The following BABAM2 variants were observed in gnomAD, a reference collection of about 807,000 sequenced individuals.
BABAM2 encodes BRISC and BRCA1-A complex member 2.
BABAM2 carries 31 observed loss-of-function variants against 54.7 expected under a neutral mutation model. The observed-to-expected ratio is 0.57, with a 90% CI of 0.43 to 0.77. The LOEUF (loss-of-function observed/expected upper bound fraction) is 0.77, where lower values mean the gene tolerates loss of function less well. Among genes scored for constraint, BABAM2 ranks in the 30% least tolerant of loss-of-function variants. The pLI, the probability that BABAM2 is intolerant of heterozygous loss-of-function variation, is 0.00. For synonymous variants in BABAM2, 167 were observed against 162.9 expected (o/e 1.03, Z -0.19); for missense variants, 364 against 455.8 (o/e 0.80, Z 1.83).
At position 27,989,353 on chromosome 2, in the gene BABAM2, C is replaced by T. The variant is rs184625648; in HGVS notation, c.300+1266C>T. ...GTCAGAAAAAGCTTTGTAGTTGAGG[C>T]GAGACTTGTACTCATTCTTGAAGAA... On this transcript the variant is annotated intron_variant, in intron 4 of 11. Coordinates refer to ENST00000379624, the MANE Select transcript of BABAM2 (RefSeq NM_199191.3). Among the ~76,000 whole-genome samples, 31 of 151,984 alleles carry T rather than the reference C, an allele frequency of 2.0e-4. No homozygotes were observed. The East Asian group carries it at 4.8e-3, about 24-fold the overall frequency.
At chr2:28,210,353 C>A (rs1480390849) in intron 7 of BABAM2, among the ~76,000 whole-genome samples, 1 of 152,164 alleles carries the variant, frequency 6.6e-6, no homozygotes. Flanking sequence ...ATATGAAGTG[C>A]TAAATTATGC....
At chr2:27,958,901 G>T (rs1248866282) in intron 3 of BABAM2, among the ~76,000 whole-genome samples, 3 of 152,086 alleles carry the variant, frequency 2.0e-5, no homozygotes, top group African/African-American at 7.2e-5. Context: ...GCTCAATGTG[G>T]CTCTGTGTTC....
intron 3 of BABAM2, chr2:27,930,197 A>G: frequency 3.6e-6 from 1 of 279,452 alleles, no homozygotes; most frequent in South Asian, 4.5e-5. Flanking sequence ...CGTAATACTC[A>G]ATAAAGAGTC....
At chr2:28,069,010 C>T (rs1663882960) in intron 6 of BABAM2, among the ~76,000 whole-genome samples, 1 of 152,128 alleles carries the variant, frequency 6.6e-6, no homozygotes, top group Non-Finnish European at 1.5e-5. Context: ...ATAATGGAGA[C>T]TCCTGGCAAA....
At position 28,090,319 on chromosome 2, in the gene BABAM2, A is replaced by G. The variant is rs1241559589; in HGVS notation, c.571-38952A>G. 4.6e-5 allele frequency among the ~76,000 whole-genome samples: 7 copies of G among 152,194 alleles called. No homozygotes were observed. The South Asian group carries it at 1.0e-3, about 23-fold the overall frequency. ...GAGTGCAGTGGCGTGATCTTGGCTC[A>G]CCGCAACCTCCCCCTCCTGGGTTCA... is the stretch of plus-strand genomic sequence containing the variant. On this transcript the variant is annotated intron_variant, in intron 6 of 11. Coordinates refer to ENST00000379624, the MANE Select transcript of BABAM2 (RefSeq NM_199191.3).
chr2:28,279,997 C>T (rs1686219763), intron 10 of BABAM2, among the ~76,000 whole-genome samples: 1 of 152,028 alleles, frequency 6.6e-6, no homozygotes, highest in African/African-American at 2.4e-5. Context: ...TAAAAACTCA[C>T]ATACCTTTTC....
In BABAM2 at chr2:28,244,831, G is replaced by T. The variant is rs1333314295; in HGVS notation, c.903G>T (p.Leu301=). 1.2e-6 allele frequency: 2 copies of T among 1,613,994 alleles called. No individual in the cohort carries two copies. The highest frequency in any genetic ancestry group is 8.5e-7 in the Non-Finnish European group (1 of 1,179,994). The part of the protein sequence containing the change: ...AEGFTKLTLL[L]MWKDFCFLVH... ...GCTTTACAAAACTCACTCTGCTGCTGATGTGGAAAGATTTTTGTTTTCTTG... is the reference window on the plus strand; with the variant it reads ...GCTTTACAAAACTCACTCTGCTGCTTATGTGGAAAGATTTTTGTTTTCTTG... The change falls in exon 10 of 12, where the codon CTG becomes CTT. Residue 301 remains leucine (L), a synonymous_variant. Transcript: ENST00000379624.
chr2:28,323,588 C>T (rs1296905489), intron 11 of BABAM2, among the ~76,000 whole-genome samples: 1 of 152,162 alleles, frequency 6.6e-6, no homozygotes, highest in African/African-American at 2.4e-5. Flanking sequence ...AGTGGCTTCT[C>T]CAAAGCAGCG....
chr2:28,036,332 C>G (rs1488548093), intron 5 of BABAM2, among the ~76,000 whole-genome samples: 2 of 152,170 alleles, frequency 1.3e-5, no homozygotes, highest in South Asian at 2.1e-4. Flanking sequence ...ACAAATGATG[C>G]AAGCTGTTTC....
chr2:28,260,978 A>G lies in BABAM2; in HGVS notation c.934+16116A>G, dbSNP rs1242614842. On this transcript the variant is annotated intron_variant, in intron 10 of 11. Coordinates refer to ENST00000379624, the MANE Select transcript of BABAM2 (RefSeq NM_199191.3). ...TTTTTTTGAGATGACGTCTCACTCT[A>G]TTACCCAGGCTGGAGTGCAGTGGCA... Among the ~76,000 whole-genome samples the G allele has an allele frequency of 8.1e-5, 10 of 123,050 alleles. No individual in the cohort carries two copies. In the East Asian group the frequency reaches 1.4e-3, roughly 17 times the overall value. The allele number at this position is 123,050 out of a possible 152,430, so 80.7% of individuals were successfully genotyped here. A position where few individuals can be genotyped will look rare whatever the true frequency, so the allele number is the denominator to read the frequency against.
At chr2:28,157,099 C>T (rs1573707252) in intron 7 of BABAM2, among the ~76,000 whole-genome samples, 1 of 152,026 alleles carries the variant, frequency 6.6e-6, no homozygotes, top group African/African-American at 2.4e-5. Flanking sequence ...AAATAATTTC[C>T]CAGTTATTTA....
chr2:28,067,461 C>T (rs1663709699), intron 6 of BABAM2, among the ~76,000 whole-genome samples: 1 of 152,158 alleles, frequency 6.6e-6, no homozygotes, highest in Admixed American at 6.5e-5. Context: ...TAATACTCCA[C>T]ATTACAATTT....
chr2:28,270,624 C>T (rs772613462), intron 10 of BABAM2, among the ~76,000 whole-genome samples: 5 of 152,176 alleles, frequency 3.3e-5, no homozygotes, highest in Non-Finnish European at 5.9e-5. Context: ...AACCAAGAGT[C>T]GACCTGCTGT....
At chr2:28,222,158 G>A (rs2148016155) in intron 7 of BABAM2, among the ~76,000 whole-genome samples, 1 of 152,190 alleles carries the variant, frequency 6.6e-6, no homozygotes, top group Non-Finnish European at 1.5e-5. Flanking sequence ...ACCCTTCCCT[G>A]CCCTCTCCTC....
At chr2:28,167,741 G>A (rs141130435) in intron 7 of BABAM2, among the ~76,000 whole-genome samples, 52 of 141,702 alleles carry the variant, frequency 3.7e-4, no homozygotes, top group African/African-American at 1.2e-3. Flanking sequence ...AATAAATAAC[G>A]CAGTTTGCTA....
chr2:27,977,341 C>A (rs1671674842), intron 3 of BABAM2, among the ~76,000 whole-genome samples: 1 of 152,094 alleles, frequency 6.6e-6, no homozygotes, highest in South Asian at 2.1e-4. Context: ...GGAGTGCCAA[C>A]CCAAAATTGG....
intron 3 of BABAM2, among the ~76,000 whole-genome samples, chr2:27,954,868 C>A (rs373066946): frequency 6.6e-6 from 1 of 152,134 alleles, no homozygotes; most frequent in African/African-American, 2.4e-5. Flanking sequence ...TTCTTACCAC[C>A]ATGACAGCCT....
intron 3 of BABAM2, among the ~76,000 whole-genome samples, chr2:27,986,867 T>C (rs1186174302): frequency 6.6e-6 from 1 of 152,168 alleles, no homozygotes; most frequent in Non-Finnish European, 1.5e-5. Context: ...AGATTGTCGA[T>C]AAACTAATCT....
intron 7 of BABAM2, among the ~76,000 whole-genome samples, chr2:28,175,089 T>C (rs1674776014): frequency 6.6e-6 from 1 of 152,176 alleles, no homozygotes. Flanking sequence ...GGCAGAGCTG[T>C]AGTGCAATTG....
Sources: gnomAD v4.1 joint callset for allele counts (sites outside exome capture counted in the v4.1 genomes callset) on GRCh38, gnomAD v4.1.1 for gene constraint, MANE v1.5 for transcripts, NCBI Gene and HGNC (gene_info 2026-07-23, HGNC 2026-07-21) for gene names.